Variants in CCDC92B observed in about 807,000 individuals in gnomAD.
The protein encoded by CCDC92B is coiled-coil domain-containing 92B.
Under a neutral mutation model 5.6 loss-of-function variants are expected in CCDC92B, and 2 were observed. That is an observed-to-expected ratio of 0.36 (90% confidence interval 0.15 to 1.12). The LOEUF is 1.12. Ranked by LOEUF, CCDC92B falls within the 50% of genes most tolerant of loss-of-function variation. CCDC92B has a pLI of 0.40. For missense variants in CCDC92B, 271 were observed against 262.2 expected (o/e 1.03, Z -0.23); for synonymous variants, 115 against 122.3 (o/e 0.94, Z 0.39).
chr17:2,732,122 G>A (rs766116209), intron 2 of CCDC92B, among the ~76,000 whole-genome samples: 20 of 152,182 alleles, frequency 1.3e-4, no homozygotes, highest in African/African-American at 4.1e-4. Flanking sequence ...GGTGCTGAAC[G>A]CGTGTGAGCA....
rs1296402775 is a variant in CCDC92B at position 2,724,568 on chromosome 17, G to A, written c.611C>T (p.Ala204Val). The A allele has an allele frequency of 8.7e-5, 85 of 981,960 alleles. No homozygotes were observed. The highest frequency in any genetic ancestry group is 9.9e-5 in the Non-Finnish European group (82 of 828,570). The allele number at this position is 981,960 out of a possible 1,614,324, so 60.8% of individuals were successfully genotyped here. The change falls in exon 4 of 4, where the codon GCC (alanine) becomes GTC (valine). Residue 204 changes from alanine (A) to valine (V), a missense_variant. Physicochemically the swap from Ala to Val is moderately conservative, Grantham distance 64. Transcript: ENST00000614400. The surrounding 1 kb of genome is among the most constrained non-coding windows in gnomAD (Gnocchi z 5.0). Reference protein sequence around the residue: ...WDRGAGALDDADPMPDPALFL... With the variant: ...WDRGAGALDDVDPMPDPALFL... ...GAGCGCGGGGTCGGGCATGGGGTCG[G>A]CGTCGTCGAGGGCGCCGGCCCCGCG...
At chr17:2,728,046 G>A (rs1379313996) in intron 3 of CCDC92B, among the ~76,000 whole-genome samples, 1 of 151,810 alleles carries the variant, frequency 6.6e-6, no homozygotes, top group Non-Finnish European at 1.5e-5. Flanking sequence ...CATTGAAAGA[G>A]CCAGGCACAG....
intron 2 of CCDC92B, among the ~76,000 whole-genome samples, chr17:2,731,188 T>G (rs1411284725): frequency 3.3e-5 from 5 of 152,098 alleles, no homozygotes; most frequent in Non-Finnish European, 7.4e-5. Flanking sequence ...TAGGAGCCAC[T>G]CAAGGGCACT....
chr17:2,737,751 C>T (rs951169051), intron 1 of CCDC92B, among the ~76,000 whole-genome samples: 5 of 152,090 alleles, frequency 3.3e-5, no homozygotes, highest in South Asian at 2.1e-4. Context: ...GCTGGTATTA[C>T]GGGCGTGAGC....
intron 1 of CCDC92B, among the ~76,000 whole-genome samples, chr17:2,747,602 C>A (rs185584951): frequency 6.6e-6 from 1 of 152,168 alleles, no homozygotes; most frequent in East Asian, 1.9e-4. Context: ...TGGCACGCAC[C>A]TGTAGTACCA....
At chr17:2,728,469 G>A (rs533234555) in intron 3 of CCDC92B, among the ~76,000 whole-genome samples, 2 of 152,084 alleles carry the variant, frequency 1.3e-5, no homozygotes, top group Admixed American at 6.6e-5. Flanking sequence ...AGCCGGGCGT[G>A]GTGGCGGGCG....
chr17:2,732,415 C>T (rs1326337064), intron 2 of CCDC92B, among the ~76,000 whole-genome samples: 1 of 152,140 alleles, frequency 6.6e-6, no homozygotes, highest in Non-Finnish European at 1.5e-5. Flanking sequence ...TTATTTTCAT[C>T]TCCTTAATAA....
intron 1 of CCDC92B, among the ~76,000 whole-genome samples, chr17:2,737,115 T>C (rs1009937390): frequency 6.6e-6 from 1 of 151,904 alleles, no homozygotes; most frequent in Non-Finnish European, 1.5e-5. Context: ...TGTTCTGTGA[T>C]AATCAGCATC....
At chr17:2,730,517 CAG>C in intron 2 of CCDC92B, 24 bp from the exon 3 acceptor site, 3 of 721,024 alleles carry the variant, frequency 4.2e-6, no homozygotes, top group Non-Finnish European at 4.8e-6. Flanking sequence ...AAAGAAAAGG[CAG>C]TTTGTGTGTG....
intron 2 of CCDC92B, among the ~76,000 whole-genome samples, chr17:2,732,929 T>A (rs1180881874): frequency 6.7e-6 from 1 of 150,358 alleles, no homozygotes; most frequent in Non-Finnish European, 1.5e-5. Context: ...AGGAGAATGG[T>A]GTGAACCTGG....
chr17:2,727,835 A>AC (rs1280604977), intron 3 of CCDC92B, among the ~76,000 whole-genome samples: 2 of 151,376 alleles, frequency 1.3e-5, no homozygotes, highest in Non-Finnish European at 3.0e-5. Context: ...AAAAAAAAAA[A>AC]AACGAAAGAG....
intron 3 of CCDC92B, among the ~76,000 whole-genome samples, chr17:2,727,993 G>C (rs1038946316): frequency 2.0e-5 from 3 of 151,940 alleles, no homozygotes; most frequent in African/African-American, 4.8e-5. Context: ...CTGGACAACA[G>C]AGCAAGATCC....
chr17:2,743,418 G>A (rs1419705386), intron 1 of CCDC92B, among the ~76,000 whole-genome samples: 3 of 152,202 alleles, frequency 2.0e-5, no homozygotes, highest in Non-Finnish European at 2.9e-5. Context: ...GTGACAGAGC[G>A]AGACTCCGTC....
At chr17:2,730,047 C>T (rs2151738729) in intron 3 of CCDC92B, among the ~76,000 whole-genome samples, 1 of 152,232 alleles carries the variant, frequency 6.6e-6, no homozygotes, top group East Asian at 1.9e-4. Flanking sequence ...GGAGGTGGGT[C>T]ACAGCAAGGA....
intron 3 of CCDC92B, among the ~76,000 whole-genome samples, chr17:2,730,106 CCTTA>C (rs2070776224): frequency 6.6e-6 from 1 of 152,146 alleles, no homozygotes; most frequent in Non-Finnish European, 1.5e-5. Flanking sequence ...TTCCTTCATG[CCTTA>C]CTTTCCTCAC....
At position 2,721,933 on chromosome 17, in the gene CCDC92B, G is replaced by A. The variant is rs112923350; in HGVS notation, c.*2478C>T. 10,495 of 152,320 alleles carry A rather than the reference G, an allele frequency of 0.069. 1,202 individuals carry two copies. The highest frequency in any genetic ancestry group is 0.23 in the African/African-American group (9,696 of 41,458). The allele number at this position is 152,320 out of a possible 1,614,324, so 9.4% of individuals were successfully genotyped here. A position where few individuals can be genotyped will look rare whatever the true frequency, so the allele number is the denominator to read the frequency against. ...TGGAAGATCCCTGGGACCAGAGTGC[G>A]GTGGGGGCCCCTAGCTGGACACCCT... On this transcript the variant is annotated 3_prime_UTR_variant, in exon 4 of 4. Transcript: ENST00000614400.
intron 3 of CCDC92B, among the ~76,000 whole-genome samples, chr17:2,727,618 G>T (rs1375830241): frequency 6.6e-6 from 1 of 152,196 alleles, no homozygotes; most frequent in African/African-American, 2.4e-5. Flanking sequence ...AAGGTCAGGA[G>T]TTCGAGACCA....
Position 2,747,746 on chromosome 17 carries a change from G to C in CCDC92B, c.-24+1665C>G, listed in dbSNP as rs146432506. Among the ~76,000 whole-genome samples, 92 of 152,214 alleles carry C rather than the reference G, an allele frequency of 6.0e-4. No homozygotes were observed. In the Middle Eastern group the frequency reaches 0.041, roughly 68 times the overall value. On this transcript the variant is annotated intron_variant, in intron 1 of 3. Transcript: ENST00000614400. ...CTATCTCAAAAGAAATAATCAATATGAGGTTTATGTTTCTTAGTCATTATT... is the reference window on the plus strand; with the variant it reads ...CTATCTCAAAAGAAATAATCAATATCAGGTTTATGTTTCTTAGTCATTATT...
chr17:2,748,736 C>T (rs2071018412), intron 1 of CCDC92B, among the ~76,000 whole-genome samples: 1 of 152,220 alleles, frequency 6.6e-6, no homozygotes, highest in Non-Finnish European at 1.5e-5. Context: ...GGTCCCTCAA[C>T]CCCACATCCT....
Sources: gnomAD v4.1 joint callset for allele counts (sites outside exome capture counted in the v4.1 genomes callset) on GRCh38, gnomAD v4.1.1 for gene constraint, Gnocchi (gnomAD v3.1) non-coding constraint, MANE v1.5 for transcripts, NCBI Gene and HGNC (gene_info 2026-07-23, HGNC 2026-07-21) for gene names.